ADGRV1: variants seen among roughly 807,000 people sequenced by gnomAD.
ADGRV1 encodes the protein G-protein coupled receptor 98.
Under a neutral mutation model 596.2 loss-of-function variants are expected in ADGRV1, and 359 were observed. That is an observed-to-expected ratio of 0.60 (90% CI 0.55 to 0.66). The LOEUF (loss-of-function observed/expected upper bound fraction) is 0.66. Ranked by LOEUF, ADGRV1 falls within the 30% of genes least tolerant of loss-of-function variation. ADGRV1 has a pLI of 0.00. For synonymous variants in ADGRV1, 2,681 were observed against 2,679.2 expected, an observed-to-expected ratio of 1.00 and a Z score of -0.02; for missense variants, 7,274 against 7,575.6, an observed-to-expected ratio of 0.96 and a Z score of 1.48.
chr5:91,090,734 A>G (rs774998223), intron 86 of ADGRV1, among the ~76,000 whole-genome samples: 1 of 151,890 alleles, frequency 6.6e-6, no homozygotes, highest in Non-Finnish European at 1.5e-5. Flanking sequence ...GGAAGCCTCC[A>G]CTGTGGTTAT....
chr5:91,081,842 C>G (rs1789414295), intron 86 of ADGRV1, among the ~76,000 whole-genome samples: 1 of 152,042 alleles, frequency 6.6e-6, no homozygotes, highest in African/African-American at 2.4e-5. Flanking sequence ...CACTACTTCT[C>G]CACATAGTCT....
chr5:90,571,143 T>G (rs1756472984), intron 1 of ADGRV1, among the ~76,000 whole-genome samples: 1 of 152,116 alleles, frequency 6.6e-6, no homozygotes, highest in Non-Finnish European at 1.5e-5. Context: ...TTGTTATGTG[T>G]GGCCATTGCA....
chr5:90,829,251 T>A (rs1764329236), intron 77 of ADGRV1, 65 bp downstream of exon 77: 3 of 1,226,644 alleles, frequency 2.4e-6, no homozygotes, highest in African/African-American at 1.5e-5. Context: ...GCAAGAGTAA[T>A]GACATAGGGA....
At chr5:91,032,865 T>C (rs1784589084) in intron 85 of ADGRV1, among the ~76,000 whole-genome samples, 1 of 152,224 alleles carries the variant, frequency 6.6e-6, no homozygotes, top group Admixed American at 6.5e-5. Context: ...ACTTACTTTG[T>C]ATATGATTTC....
Position 90,831,282 on chromosome 5 carries a change from C to T in ADGRV1, c.16611+2096C>T, listed in dbSNP as rs543636932. ...ACATACGTATATATACATATATATACACACACACACACACACAAAAACATA... is the reference window on the plus strand; with the variant it reads ...ACATACGTATATATACATATATATATACACACACACACACACAAAAACATA... On this transcript the variant is annotated intron_variant, in intron 77 of 89. Transcript: ENST00000405460. Among the ~76,000 whole-genome samples, 51 of 149,660 alleles carry T rather than the reference C, an allele frequency of 3.4e-4. No homozygotes were observed. In the East Asian group the frequency reaches 5.9e-3, roughly 17 times the overall value.
At chr5:90,925,042 G>C (rs13355732) in intron 83 of ADGRV1, among the ~76,000 whole-genome samples, 40,942 of 150,124 alleles carry the variant, frequency 0.27, 6,099 homozygotes, top group Non-Finnish European at 0.34. Flanking sequence ...TAGCCTTGTG[G>C]TATAGTTTGA....
At position 90,642,892 on chromosome 5, in the gene ADGRV1, A is replaced by T; in HGVS notation, c.2404A>T (p.Arg802Trp). ...TGTAGAGCTCCACATCATCCGATCA[A>T]GGGGGTCCCTTGTTAAGCAGTTTCT... ...ESVELHIIRS[R>W]GSLVKQFLHY... The change falls in exon 13 of 90, where the codon AGG becomes TGG. Residue 802 changes from arginine (R) to tryptophan (W), a missense_variant. This residue lies in a region of ADGRV1 where 1,715 missense variants were observed against 1,708.8 expected (regional missense o/e 1.00). Coordinates refer to ENST00000405460, the MANE Select transcript of ADGRV1 (RefSeq NM_032119.4). The T allele has an allele frequency of 6.2e-7, 1 of 1,611,194 alleles. No homozygotes were observed. The highest frequency in any genetic ancestry group is 1.7e-5 in the Admixed American group (1 of 59,706).
intron 70 of ADGRV1, 47 bp from the exon 71 acceptor site, chr5:90,802,692 T>G (rs771271931): frequency 6.4e-7 from 1 of 1,570,118 alleles, no homozygotes. Flanking sequence ...AGAACAGCAT[T>G]TTTCTCTGAA....
chr5:90,659,164 T>C (rs1036809860), intron 21 of ADGRV1, among the ~76,000 whole-genome samples: 29 of 152,168 alleles, frequency 1.9e-4, no homozygotes, highest in Non-Finnish European at 1.0e-4. Context: ...AGTATGGTCC[T>C]TTTTTTACAT....
At chr5:90,681,242 T>G (rs952468449) in intron 26 of ADGRV1, 73 bp from the exon 27 acceptor site, 14 of 1,543,736 alleles carry the variant, frequency 9.1e-6, no homozygotes, top group South Asian at 6.1e-5. Flanking sequence ...AAGTTGTTCC[T>G]TGGCTTTTTC....
intron 85 of ADGRV1, among the ~76,000 whole-genome samples, chr5:91,004,427 G>T (rs554510376): frequency 6.6e-6 from 1 of 150,734 alleles, no homozygotes; most frequent in Non-Finnish European, 1.5e-5. Flanking sequence ...GAATCCTCCC[G>T]GTCCTAAAAA....
chr5:90,991,940 A>G (rs1781001172), intron 85 of ADGRV1, among the ~76,000 whole-genome samples: 1 of 152,224 alleles, frequency 6.6e-6, no homozygotes, highest in Non-Finnish European at 1.5e-5. Context: ...GTCACCATAC[A>G]TCTTTGAAAA....
intron 83 of ADGRV1, among the ~76,000 whole-genome samples, chr5:90,880,735 C>T (rs551912307): frequency 5.3e-5 from 8 of 152,304 alleles, no homozygotes; most frequent in East Asian, 1.9e-4. Flanking sequence ...ATTATACTAA[C>T]GTGCACAAAC....
intron 82 of ADGRV1, among the ~76,000 whole-genome samples, chr5:90,858,672 A>G (rs1252843808): frequency 1.3e-5 from 2 of 152,140 alleles, no homozygotes; most frequent in African/African-American, 4.8e-5. Context: ...ATTTGGGATG[A>G]ATTTGGCTAC....
rs76328459 is a variant in ADGRV1 at position 90,769,528 on chromosome 5, C to A, written c.12286-4658C>A. ...TTTGAGAGAGAATCATGATGCATAT[C>A]ATTTTTATCTCTACCTTTTCCTCTG... On this transcript the variant is annotated intron_variant, in intron 59 of 89. Coordinates refer to ENST00000405460, the MANE Select transcript of ADGRV1 (RefSeq NM_032119.4). Among the ~76,000 whole-genome samples, 536 of 152,254 alleles carry A rather than the reference C, an allele frequency of 3.5e-3. 4 individuals carry two copies. Among genetic ancestry groups the A allele is most frequent in the African/African-American group, 0.012 (514 of 41,548 alleles).
rs151057914 is a variant in ADGRV1, at chr5:90,707,909, G to A, written c.8731-907G>A. On this transcript the variant is annotated intron_variant, in intron 38 of 89. Transcript: ENST00000405460. ...GAGTGGTAGGGAGGAAGTATTGCGT[G>A]GGGGGTGGGGGACATTAAGAGTAGG... Among the ~76,000 whole-genome samples, 530 of 152,144 alleles carry A rather than the reference G, an allele frequency of 3.5e-3. 4 individuals carry two copies. The highest frequency in any genetic ancestry group is 0.012 in the African/African-American group (500 of 41,510).
intron 87 of ADGRV1, among the ~76,000 whole-genome samples, chr5:91,129,352 T>C (rs1038350647): frequency 6.6e-6 from 1 of 152,246 alleles, no homozygotes; most frequent in Non-Finnish European, 1.5e-5. Context: ...CTCCCCTGCC[T>C]GTGAGTTCTA....
chr5:90,725,870 G>A (rs1751703686), intron 48 of ADGRV1, among the ~76,000 whole-genome samples: 1 of 152,124 alleles, frequency 6.6e-6, no homozygotes, highest in Admixed American at 6.5e-5. Context: ...CAAGGATAAT[G>A]TAACAATAAA....
intron 85 of ADGRV1, among the ~76,000 whole-genome samples, chr5:91,014,000 A>G (rs1355398824): frequency 6.6e-6 from 1 of 151,898 alleles, no homozygotes; most frequent in Non-Finnish European, 1.5e-5. Flanking sequence ...AGCTTAGTTA[A>G]AGATCAGATG....
Sources: gnomAD v4.1 joint callset for allele counts (sites outside exome capture counted in the v4.1 genomes callset) on GRCh38, gnomAD v4.1.1 for gene constraint, gnomAD v4.1.1 regional missense constraint, MANE v1.5 for transcripts, NCBI Gene and HGNC (gene_info 2026-07-23, HGNC 2026-07-21) for gene names.